AUTS2: variants seen among roughly 807,000 people sequenced by gnomAD.
AUTS2 encodes the protein autism susceptibility gene 2 protein.
Under a neutral mutation model 112.4 loss-of-function variants are expected in AUTS2, and 17 were observed. The observed-to-expected ratio is 0.15, with a 90% CI of 0.10 to 0.23. The LOEUF is 0.23. AUTS2 is among the 10% of genes least tolerant of loss of function. The pLI is 1.00. For missense variants in AUTS2, 1,510 were observed against 1,701.6 expected, an observed-to-expected ratio of 0.89 and a Z score of 1.98; for synonymous variants, 751 against 702.7, an observed-to-expected ratio of 1.07 and a Z score of -1.09.
chr7:70,598,323 C>T (rs1377138676), intron 5 of AUTS2, among the ~76,000 whole-genome samples: 3 of 152,160 alleles, frequency 2.0e-5, no homozygotes, highest in Non-Finnish European at 4.4e-5. Context: ...CTGTATTGAG[C>T]GCCCACTCCT....
intron 5 of AUTS2, among the ~76,000 whole-genome samples, chr7:70,587,589 A>C (rs1802744300): frequency 6.6e-6 from 1 of 152,196 alleles, no homozygotes; most frequent in East Asian, 1.9e-4. Flanking sequence ...TGACAATAAC[A>C]GCAATAATAA....
intron 4 of AUTS2, among the ~76,000 whole-genome samples, chr7:70,347,834 A>G (rs1314345809): frequency 1.3e-5 from 2 of 152,200 alleles, no homozygotes; most frequent in East Asian, 3.9e-4. Flanking sequence ...GGAGACTTGT[A>G]GTCTACGGCT....
chr7:70,547,533 G>A (rs10234796), intron 5 of AUTS2, among the ~76,000 whole-genome samples: 42,082 of 152,032 alleles, frequency 0.28, 6,499 homozygotes, highest in Non-Finnish European at 0.35. Context: ...GATTACAGGC[G>A]TGAGCCACCG....
At position 70,740,790 on chromosome 7, in the gene AUTS2, G is replaced by A. The variant is rs138360067; in HGVS notation, c.743-22080G>A. Among the ~76,000 whole-genome samples the A allele has an allele frequency of 9.3e-4, 141 of 152,162 alleles. 1 individual carries two copies. The highest frequency in any genetic ancestry group is 3.1e-3 in the African/African-American group (129 of 41,538). ...GACAATGGCTAGATGCTGTTTTGCA[G>A]CCCACTAGAAACTTTCCCCTGGGCC... On this transcript the variant is annotated intron_variant, in intron 6 of 18. Coordinates refer to ENST00000342771, the MANE Select transcript of AUTS2 (RefSeq NM_015570.4).
At chr7:70,168,297 G>A (rs1392363159) in intron 4 of AUTS2, among the ~76,000 whole-genome samples, 4 of 152,106 alleles carry the variant, frequency 2.6e-5, no homozygotes, top group Non-Finnish European at 4.4e-5. Context: ...TTTCCTCACG[G>A]TGGTTTCTAA....
chr7:69,762,409 T>C (rs1788231164), intron 1 of AUTS2, among the ~76,000 whole-genome samples: 1 of 147,650 alleles, frequency 6.8e-6, no homozygotes, highest in South Asian at 2.2e-4. Context: ...CTGGCTCCAG[T>C]GATCCTTCCA....
chr7:70,503,519 T>TC (rs1030673141), intron 5 of AUTS2, among the ~76,000 whole-genome samples: 1 of 147,062 alleles, frequency 6.8e-6, no homozygotes, highest in African/African-American at 2.5e-5. Flanking sequence ...CCGTCTCATT[T>TC]TTTTTTTTTT....
intron 2 of AUTS2, among the ~76,000 whole-genome samples, chr7:70,064,319 G>C (rs1176766470): frequency 6.6e-6 from 1 of 152,150 alleles, no homozygotes; most frequent in East Asian, 1.9e-4. Flanking sequence ...TTGCTTTGCT[G>C]CTCACTCTTA....
At chr7:70,043,596 CCTTCCTT>C (rs1801356664) in intron 2 of AUTS2, among the ~76,000 whole-genome samples, 1 of 61,602 alleles carries the variant, frequency 1.6e-5, no homozygotes, top group Non-Finnish European at 3.4e-5. Flanking sequence ...TTCCTTCCTT[CCTTCCTT>C]CCTTTTTTTT....
intron 2 of AUTS2, among the ~76,000 whole-genome samples, chr7:69,952,175 G>C (rs930601048): frequency 3.3e-5 from 5 of 152,172 alleles, no homozygotes; most frequent in African/African-American, 9.6e-5. Context: ...GTTAAAGTCT[G>C]AAAGTGTAAA....
chr7:70,768,877 C>CTTTTTTTTTTTTT (rs66614263), intron 10 of AUTS2, among the ~76,000 whole-genome samples: 6 of 108,210 alleles, frequency 5.5e-5, no homozygotes, highest in African/African-American at 7.1e-5. Flanking sequence ...CCAGTGATTT[C>CTTTTTTTTTTTTT]TTTTTTTTTT....
intron 5 of AUTS2, among the ~76,000 whole-genome samples, chr7:70,508,086 T>C (rs1799040101): frequency 6.6e-6 from 1 of 152,218 alleles, no homozygotes; most frequent in African/African-American, 2.4e-5. Context: ...CTGTCATTTA[T>C]TATTCTGTTG....
chr7:70,210,748 C>A (rs1216019388), intron 4 of AUTS2, among the ~76,000 whole-genome samples: 3 of 152,166 alleles, frequency 2.0e-5, no homozygotes, highest in Non-Finnish European at 2.9e-5. Flanking sequence ...ACCCAGTGTC[C>A]ATTACACACA....
At chr7:69,724,946 T>C (rs1452088532) in intron 1 of AUTS2, among the ~76,000 whole-genome samples, 1 of 152,104 alleles carries the variant, frequency 6.6e-6, no homozygotes, top group East Asian at 1.9e-4. Context: ...ATAATAGAAA[T>C]GGTATTAGAA....
chr7:69,871,957 A>T (rs529856478), intron 1 of AUTS2, among the ~76,000 whole-genome samples: 1 of 152,158 alleles, frequency 6.6e-6, no homozygotes, highest in Non-Finnish European at 1.5e-5. Flanking sequence ...CTGGAGTTCT[A>T]TGTTACTGGG....
At chr7:70,411,352 C>T (rs949886940) in intron 4 of AUTS2, among the ~76,000 whole-genome samples, 6 of 152,056 alleles carry the variant, frequency 3.9e-5, no homozygotes, top group African/African-American at 1.4e-4. Context: ...GCACAAATCA[C>T]CATTGAACTT....
chr7:70,506,486 C>G (rs1798966668), intron 5 of AUTS2, among the ~76,000 whole-genome samples: 1 of 152,198 alleles, frequency 6.6e-6, no homozygotes, highest in African/African-American at 2.4e-5. Flanking sequence ...AACTGTAGTT[C>G]AAACCATCTG....
chr7:70,444,714 G>A (rs895574450), intron 5 of AUTS2, among the ~76,000 whole-genome samples: 3 of 152,042 alleles, frequency 2.0e-5, no homozygotes, highest in African/African-American at 7.2e-5. Context: ...TCAGGTACCC[G>A]AAGAATAACC....
At chr7:69,806,286 A>T (rs957490371) in intron 1 of AUTS2, among the ~76,000 whole-genome samples, 11 of 145,648 alleles carry the variant, frequency 7.6e-5, no homozygotes, top group Admixed American at 2.8e-4. Context: ...ACAAAACTCA[A>T]TTTTTTTTAC....
Sources: gnomAD v4.1 joint callset for allele counts (sites outside exome capture counted in the v4.1 genomes callset) on GRCh38, gnomAD v4.1.1 for gene constraint, MANE v1.5 for transcripts, NCBI Gene and HGNC (gene_info 2026-07-23, HGNC 2026-07-21) for gene names.